Variants in FAM120C observed in about 807,000 individuals in gnomAD.
The protein encoded by FAM120C is constitutive coactivator of PPAR-gamma-like protein 2.
FAM120C carries 14 observed loss-of-function variants against 71.2 expected under a neutral mutation model. That is an observed-to-expected ratio of 0.20 (90% CI 0.13 to 0.31). FAM120C has a LOEUF of 0.31. Among genes scored for constraint, FAM120C ranks in the 10% least tolerant of loss-of-function variants. FAM120C has a pLI of 1.00. For synonymous variants in FAM120C, 354 were observed against 353.2 expected (o/e 1.00, Z -0.03); for missense variants, 500 against 879.0 (o/e 0.57, Z 5.45).
intron 10 of FAM120C, among the ~76,000 whole-genome samples, chrX:54,097,052 C>T (rs2066855395): frequency 8.9e-6 from 1 of 111,823 alleles, no homozygotes; most frequent in Admixed American, 9.6e-5. Flanking sequence ...CAGATAATGC[C>T]CCTTCTCAGA....
intron 15 of FAM120C, among the ~76,000 whole-genome samples, chrX:54,078,509 T>A: frequency 9.0e-6 from 1 of 111,699 alleles, no homozygotes; most frequent in East Asian, 2.8e-4. Flanking sequence ...ACTATCTAGT[T>A]CCATTTTTGC....
intron 11 of FAM120C, among the ~76,000 whole-genome samples, chrX:54,089,788 C>T (rs12690002): frequency 0.074 from 8,175 of 109,853 alleles, 279 homozygotes; most frequent in African/African-American, 0.11. Flanking sequence ...AGAGAAACCC[C>T]GTCTCTACTA....
chrX:54,129,184 C>G (rs1471274310), intron 9 of FAM120C, among the ~76,000 whole-genome samples: 3 of 107,241 alleles, frequency 2.8e-5, no homozygotes, highest in Non-Finnish European at 5.8e-5. Context: ...CCCTCCCGGA[C>G]GGGGTGGCTG....
chrX:54,096,833 T>A (rs190946303), intron 10 of FAM120C, among the ~76,000 whole-genome samples: 110 of 111,971 alleles, frequency 9.8e-4, no homozygotes, highest in African/African-American at 3.2e-3. Flanking sequence ...TAGGTTATAT[T>A]CATTCTGAAG....
chrX:54,163,182 G>C (rs1327152086), intron 1 of FAM120C, among the ~76,000 whole-genome samples: 1 of 111,684 alleles, frequency 9.0e-6, no homozygotes, highest in Non-Finnish European at 1.9e-5. Context: ...ATATACCCAA[G>C]AGAACTGAAA....
At position 54,069,782 on chromosome X, in the gene FAM120C, G is replaced by C. The variant is rs1205285844; in HGVS notation, c.*3251C>G. The stretch of plus-strand genomic sequence containing the variant: ...CCTACTGGCTCAGAATGAAAATGAT[G>C]CAAGTGAGCAGAAGTTTGTCAGGCC... On this transcript the variant is annotated 3_prime_UTR_variant, in exon 16 of 16. Transcript: ENST00000375180. The C allele has an allele frequency of 4.5e-5, 5 of 111,964 alleles. No homozygotes were observed. The highest frequency in any genetic ancestry group is 9.4e-5 in the Non-Finnish European group (5 of 53,218). The allele number at this position is 111,964 out of a possible 1,213,427, so 9.2% of individuals were successfully genotyped here.
At chrX:54,129,050 G>A (rs1250560393) in intron 9 of FAM120C, among the ~76,000 whole-genome samples, 1 of 108,236 alleles carries the variant, frequency 9.2e-6, no homozygotes, top group African/African-American at 3.4e-5. Context: ...AGGGGCGGCC[G>A]GGCAGAGGCG....
At chrX:54,091,966 T>C (rs1389792695) in intron 10 of FAM120C, among the ~76,000 whole-genome samples, 1 of 110,894 alleles carries the variant, frequency 9.0e-6, no homozygotes, top group Non-Finnish European at 1.9e-5. Flanking sequence ...CTTCAGGTGG[T>C]GGAAAGTGCG....
At chrX:54,159,951 C>T (rs2067228102) in intron 1 of FAM120C, among the ~76,000 whole-genome samples, 1 of 109,541 alleles carries the variant, frequency 9.1e-6, no homozygotes, top group Non-Finnish European at 1.9e-5. Flanking sequence ...TCCCACTCTA[C>T]AATTTGATTA....
intron 15 of FAM120C, among the ~76,000 whole-genome samples, chrX:54,078,340 C>T (rs2066747442): frequency 9.0e-6 from 1 of 111,149 alleles, no homozygotes; most frequent in South Asian, 3.8e-4. Flanking sequence ...GGCTATACTA[C>T]CTTACGAGAG....
chrX:54,172,356 T>C (rs1040546090), intron 1 of FAM120C, among the ~76,000 whole-genome samples: 10 of 112,519 alleles, frequency 8.9e-5, no homozygotes, highest in Admixed American at 2.8e-4. Context: ...AAGTATTCAA[T>C]TGTGGTGCAA....
chrX:54,118,725 TA>T (rs1386588405), intron 9 of FAM120C, among the ~76,000 whole-genome samples: 120 of 75,834 alleles, frequency 1.6e-3, no homozygotes, highest in African/African-American at 5.9e-3. Context: ...TTTTTTTTTT[TA>T]ATTATACTCT....
intron 11 of FAM120C, 103 bp downstream of exon 11, chrX:54,091,209 T>C (rs1440900986): frequency 2.0e-6 from 1 of 507,461 alleles, no homozygotes; most frequent in African/African-American, 2.4e-5. Context: ...AACAGTTACC[T>C]GCAGAACTTA....
intron 3 of FAM120C, among the ~76,000 whole-genome samples, chrX:54,152,546 C>T (rs1304472560): frequency 8.9e-6 from 1 of 112,454 alleles, no homozygotes; most frequent in African/African-American, 3.2e-5. Context: ...GCATGAGCCA[C>T]TGCGCCTGGC....
At chrX:54,166,222 G>A (rs1569533755) in intron 1 of FAM120C, among the ~76,000 whole-genome samples, 1 of 111,890 alleles carries the variant, frequency 8.9e-6, no homozygotes, top group Non-Finnish European at 1.9e-5. Context: ...GATGTTTCAC[G>A]TACAAGATTA....
chrX:54,069,719 C>T lies in FAM120C; in HGVS notation c.*3314G>A, dbSNP rs2066702022. 1 of 111,823 alleles carries T rather than the reference C, an allele frequency of 8.9e-6. No homozygotes were observed. Among genetic ancestry groups the T allele is most frequent in the Admixed American group, 9.6e-5 (1 of 10,427 alleles). The allele number at this position is 111,823 out of a possible 1,213,427, so 9.2% of individuals were successfully genotyped here. ...AAAAATCAAATGTCACTAGCCAAAG[C>T]GAGTACCAATTCTTGGGCTTTAAAG... On this transcript the variant is annotated 3_prime_UTR_variant, in exon 16 of 16. Transcript: ENST00000375180.
At chrX:54,115,118 T>C (rs927418714) in intron 10 of FAM120C, among the ~76,000 whole-genome samples, 8 of 111,633 alleles carry the variant, frequency 7.2e-5, no homozygotes, top group Non-Finnish European at 1.1e-4. Context: ...AAGAACACTA[T>C]ATATAAAGTT....
chrX:54,098,052 T>A (rs2066862731), intron 10 of FAM120C, among the ~76,000 whole-genome samples: 1 of 102,681 alleles, frequency 9.7e-6, no homozygotes, highest in Admixed American at 1.1e-4. Context: ...TTTTTTTTTT[T>A]TTTTTTGAGA....
At chrX:54,110,684 GA>G (rs782350355) in intron 10 of FAM120C, among the ~76,000 whole-genome samples, 1 of 110,910 alleles carries the variant, frequency 9.0e-6, no homozygotes, top group African/African-American at 3.3e-5. Context: ...GGGAGGCCAA[GA>G]TGGGAGGATT....
Sources: allele counts gnomAD v4.1 joint callset (sites outside exome capture counted in the v4.1 genomes callset), GRCh38; gene constraint gnomAD v4.1.1; transcripts MANE v1.5; gene names NCBI Gene and HGNC (gene_info 2026-07-23, HGNC 2026-07-21).